The following ERC2 variants were observed in gnomAD, a reference collection of about 807,000 sequenced individuals.
ERC2 encodes ELKS/RAB6-interacting/CAST family member 2.
Under a neutral mutation model 114.8 loss-of-function variants are expected in ERC2, and 42 were observed. The ratio of observed to expected loss-of-function variants is 0.37; its 90% CI spans 0.29 to 0.47. The LOEUF (loss-of-function observed/expected upper bound fraction) is 0.47, where lower values mean the gene tolerates loss of function less well. Ranked by LOEUF, ERC2 falls within the 20% of genes least tolerant of loss-of-function variation. The pLI, the probability that ERC2 is intolerant of heterozygous loss-of-function variation, is 0.99. For missense variants in ERC2, 939 were observed against 1,150.7 expected, an observed-to-expected ratio of 0.82 and a Z score of 2.66; for synonymous variants, 454 against 425.5, an observed-to-expected ratio of 1.07 and a Z score of -0.82.
intron 2 of ERC2, among the ~76,000 whole-genome samples, chr3:56,418,020 C>T (rs934380970): frequency 6.6e-6 from 1 of 152,070 alleles, no homozygotes; most frequent in Non-Finnish European, 1.5e-5. Context: ...GGGGCAGTGG[C>T]TCATGTCTGT....
At chr3:56,258,962 T>C (rs1013739053) in intron 3 of ERC2, among the ~76,000 whole-genome samples, 3 of 132,450 alleles carry the variant, frequency 2.3e-5, no homozygotes, top group Admixed American at 8.8e-5. Flanking sequence ...GTTTTTCTTT[T>C]AATTAATTAA....
intron 1 of ERC2, among the ~76,000 whole-genome samples, chr3:56,440,530 A>G: frequency 6.7e-6 from 1 of 148,680 alleles, no homozygotes; most frequent in Non-Finnish European, 1.5e-5. Context: ...CCTGGGCAAC[A>G]GTGCAAGACT....
chr3:56,335,449 C>T (rs746923164), intron 2 of ERC2, among the ~76,000 whole-genome samples: 2 of 152,060 alleles, frequency 1.3e-5, no homozygotes, highest in Non-Finnish European at 2.9e-5. Flanking sequence ...AACAAAAAAG[C>T]GATGATTTTT....
At chr3:56,117,459 T>C (rs1334760223) in intron 6 of ERC2, among the ~76,000 whole-genome samples, 1 of 152,172 alleles carries the variant, frequency 6.6e-6, no homozygotes, top group Non-Finnish European at 1.5e-5. Context: ...GACATTTCCA[T>C]CCTTAGAAGA....
intron 7 of ERC2, among the ~76,000 whole-genome samples, chr3:56,032,921 A>AGAGAGACAC (rs1560056350): frequency 2.5e-5 from 2 of 80,784 alleles, no homozygotes; most frequent in Non-Finnish European, 5.5e-5. Flanking sequence ...GAAAGAAAGA[A>AGAGAGACAC]AGAAAGAAAG....
At chr3:55,772,830 A>C (rs2068324152) in intron 14 of ERC2, among the ~76,000 whole-genome samples, 1 of 152,120 alleles carries the variant, frequency 6.6e-6, no homozygotes, top group Non-Finnish European at 1.5e-5. Context: ...CTCAGACCCA[A>C]AACTTTAGTG....
intron 14 of ERC2, among the ~76,000 whole-genome samples, chr3:55,856,638 G>A (rs983421036): frequency 2.0e-5 from 3 of 151,826 alleles, no homozygotes; most frequent in Non-Finnish European, 4.4e-5. Flanking sequence ...ACACACATAC[G>A]GTGATGGTAA....
intron 17 of ERC2, among the ~76,000 whole-genome samples, chr3:55,634,450 T>C (rs1012725774): frequency 1.3e-5 from 2 of 152,152 alleles, no homozygotes; most frequent in African/African-American, 4.8e-5. Context: ...CTGGCTGAGA[T>C]TCACATGAAA....
intron 7 of ERC2, among the ~76,000 whole-genome samples, chr3:56,069,814 G>T (rs543043056): frequency 6.6e-6 from 1 of 152,258 alleles, no homozygotes; most frequent in East Asian, 1.9e-4. Flanking sequence ...GCTCCAAATT[G>T]CCATATAGTT....
intron 16 of ERC2, among the ~76,000 whole-genome samples, chr3:55,695,146 C>G (rs9870530): frequency 6.6e-6 from 1 of 152,146 alleles, no homozygotes; most frequent in African/African-American, 2.4e-5. Flanking sequence ...TTAGGAAAAG[C>G]TGAATTTCTA....
intron 1 of ERC2, among the ~76,000 whole-genome samples, chr3:56,436,118 C>T (rs1000157097): frequency 1.3e-5 from 2 of 152,142 alleles, no homozygotes; most frequent in African/African-American, 4.8e-5. Context: ...TCCTGTTCTT[C>T]CTCTTAGAAA....
intron 3 of ERC2, among the ~76,000 whole-genome samples, chr3:56,266,022 C>T (rs1395659182): frequency 7.8e-6 from 1 of 127,846 alleles, no homozygotes; most frequent in African/African-American, 3.1e-5. Flanking sequence ...GAGTGAGAAT[C>T]CGACCAAAAA....
At chr3:56,102,738 T>G (rs995631376) in intron 6 of ERC2, among the ~76,000 whole-genome samples, 1 of 152,210 alleles carries the variant, frequency 6.6e-6, no homozygotes, top group Non-Finnish European at 1.5e-5. Flanking sequence ...TTGAAGAAAG[T>G]GAAGGACTTA....
chr3:55,776,055 C>G (rs1424165195), intron 14 of ERC2, among the ~76,000 whole-genome samples: 1 of 152,142 alleles, frequency 6.6e-6, no homozygotes, highest in African/African-American at 2.4e-5. Flanking sequence ...TTAGGCTGGG[C>G]AAGAGGGGGC....
intron 14 of ERC2, among the ~76,000 whole-genome samples, chr3:55,872,107 G>T (rs989496001): frequency 1.3e-5 from 2 of 152,078 alleles, no homozygotes; most frequent in African/African-American, 2.4e-5. Flanking sequence ...TCATGTGGGG[G>T]TTCACTTTAC....
chr3:55,800,226 C>T (rs1252549827), intron 14 of ERC2, among the ~76,000 whole-genome samples: 7 of 152,114 alleles, frequency 4.6e-5, no homozygotes, highest in East Asian at 1.9e-4. Flanking sequence ...CTGCAACCTC[C>T]GCCTCCTGGG....
chr3:55,777,546 T>C, intron 14 of ERC2, among the ~76,000 whole-genome samples: 1 of 152,230 alleles, frequency 6.6e-6, no homozygotes, highest in Non-Finnish European at 1.5e-5. Context: ...TCCAGCTCCA[T>C]TAGAAATGCT....
intron 3 of ERC2, among the ~76,000 whole-genome samples, chr3:56,229,093 T>C (rs1356059280): frequency 5.3e-5 from 8 of 152,226 alleles, no homozygotes; most frequent in Non-Finnish European, 1.0e-4. Flanking sequence ...ACCCAACATA[T>C]ACTTATTTGG....
chr3:55,819,746 C>T (rs1299847792), intron 14 of ERC2, among the ~76,000 whole-genome samples: 2 of 152,190 alleles, frequency 1.3e-5, no homozygotes, highest in African/African-American at 4.8e-5. Context: ...CTTTGGAATG[C>T]TGCACCAGAC....
Sources: gnomAD v4.1 joint callset for allele counts (sites outside exome capture counted in the v4.1 genomes callset) on GRCh38, gnomAD v4.1.1 for gene constraint, MANE v1.5 for transcripts, NCBI Gene and HGNC (gene_info 2026-07-23, HGNC 2026-07-21) for gene names.